KLHL29: variants seen among roughly 807,000 people sequenced by gnomAD.
KLHL29 encodes the protein kelch like family member 29.
KLHL29 carries 21 observed loss-of-function variants against 80.4 expected under a neutral mutation model. The observed-to-expected ratio is 0.26, with a 90% CI of 0.19 to 0.38. The LOEUF is 0.38. Among genes scored for constraint, KLHL29 ranks in the 10% least tolerant of loss-of-function variants. KLHL29 has a pLI of 1.00. For synonymous variants in KLHL29, 511 were observed against 526.8 expected, an observed-to-expected ratio of 0.97 and a Z score of 0.41; for missense variants, 867 against 1,223.9, an observed-to-expected ratio of 0.71 and a Z score of 4.35.
At chr2:23,566,915 T>TC (rs907103044) in intron 3 of KLHL29, among the ~76,000 whole-genome samples, 9 of 152,090 alleles carry the variant, frequency 5.9e-5, no homozygotes, top group Admixed American at 3.3e-4. Context: ...GGGAAACCTG[T>TC]CCCCCCCTGG....
intron 2 of KLHL29, among the ~76,000 whole-genome samples, chr2:23,559,451 C>CA (rs1302086651): frequency 6.6e-6 from 1 of 151,996 alleles, no homozygotes; most frequent in Non-Finnish European, 1.5e-5. Context: ...GGCAGGCAGG[C>CA]AGGCGAACTG....
intron 1 of KLHL29, among the ~76,000 whole-genome samples, chr2:23,390,001 C>A (rs13422671): frequency 0.01 from 1,547 of 152,198 alleles, 30 homozygotes; most frequent in African/African-American, 0.036. Flanking sequence ...TTACCTGCAC[C>A]TTAGATCAAA....
At chr2:23,501,863 C>T (rs1189380150) in intron 2 of KLHL29, among the ~76,000 whole-genome samples, 1 of 152,196 alleles carries the variant, frequency 6.6e-6, no homozygotes, top group Non-Finnish European at 1.5e-5. Context: ...CCCATCAGCC[C>T]AGAAAGCCCC....
At chr2:23,601,180 C>T (rs1244904004) in intron 3 of KLHL29, among the ~76,000 whole-genome samples, 1 of 152,102 alleles carries the variant, frequency 6.6e-6, no homozygotes, top group Non-Finnish European at 1.5e-5. Context: ...GCTCCAAGAC[C>T]GCACAAAAAG....
At chr2:23,634,318 A>G (rs1572454236) in intron 3 of KLHL29, among the ~76,000 whole-genome samples, 1 of 152,046 alleles carries the variant, frequency 6.6e-6, no homozygotes. Flanking sequence ...GCCCATGTGC[A>G]CCCCGGAAGT....
chr2:23,533,564 C>G (rs1053176249), intron 2 of KLHL29, among the ~76,000 whole-genome samples: 1 of 152,170 alleles, frequency 6.6e-6, no homozygotes, highest in Non-Finnish European at 1.5e-5. Flanking sequence ...GGCGCTGGCT[C>G]GCAGATCAAA....
chr2:23,398,655 C>T (rs1666513850), intron 1 of KLHL29, among the ~76,000 whole-genome samples: 1 of 152,214 alleles, frequency 6.6e-6, no homozygotes, highest in Admixed American at 6.5e-5. Context: ...GATAGTGAGC[C>T]CTTGGGCCAT....
intron 1 of KLHL29, among the ~76,000 whole-genome samples, chr2:23,404,259 G>A (rs956291854): frequency 3.6e-5 from 4 of 111,944 alleles, no homozygotes; most frequent in Non-Finnish European, 8.1e-5. Flanking sequence ...CAGATTCTGG[G>A]CGATGACTAT....
intron 5 of KLHL29, among the ~76,000 whole-genome samples, chr2:23,664,879 C>A (rs1479111786): frequency 6.6e-6 from 1 of 152,240 alleles, no homozygotes; most frequent in East Asian, 1.9e-4. Flanking sequence ...TCCTTTGTCC[C>A]TTTTCCCACA....
chr2:23,562,379 C>T lies in KLHL29; in HGVS notation c.183C>T (p.Ser61=). ...PGLLPLPVVP[S]RLPTPATAPA... The stretch of plus-strand genomic sequence containing the variant: ...TCCTGCCGCTGCCCGTGGTGCCCTC[C>T]CGGCTGCCCACCCCGGCTACAGCTC... The change falls in exon 3 of 14, where the codon TCC becomes TCT. Residue 61 remains serine, a synonymous_variant. Coordinates refer to ENST00000486442, the MANE Select transcript of KLHL29 (RefSeq NM_052920.2). The surrounding 1 kb of genome is among the most constrained non-coding windows in gnomAD (Gnocchi z 4.5). 6.5e-7 allele frequency: 1 copy of T among 1,540,326 alleles called. No individual in the cohort carries two copies. The highest frequency in any genetic ancestry group is 8.7e-7 in the Non-Finnish European group (1 of 1,145,776).
chr2:23,612,223 A>C lies in KLHL29; in HGVS notation c.286-26916A>C, dbSNP rs566238752. ...AAAATTAAAGACAGAGAAAAATCTA[A>C]AAAGCAGGTGGAAGGGAAAGACAGA... is the stretch of plus-strand genomic sequence containing the variant. On this transcript the variant is annotated intron_variant, in intron 3 of 13. Coordinates refer to ENST00000486442, the MANE Select transcript of KLHL29 (RefSeq NM_052920.2). Among the ~76,000 whole-genome samples the C allele has an allele frequency of 3.3e-5, 5 of 152,336 alleles. No homozygotes were observed. In the South Asian group the frequency reaches 1.0e-3, roughly 32 times the overall value.
rs1454960849 is a variant in KLHL29, at chr2:23,597,307, A to ATGTGTGTGTGTG, written c.285+34827_285+34828insGTGTGTGTGTGT. Among the ~76,000 whole-genome samples the ATGTGTGTGTGTG allele has an allele frequency of 7.1e-3, 761 of 106,510 alleles. 3 individuals are homozygous for ATGTGTGTGTGTG. The highest frequency in any genetic ancestry group is 9.4e-3 in the Non-Finnish European group (540 of 57,406). 69.9% of individuals were successfully genotyped at this position (106,510 alleles called of 152,430 possible). A position where few individuals can be genotyped will look rare whatever the true frequency, so the allele number is the denominator to read the frequency against. ...ATCTCTCTCTCTCTCATATATATAT[A>ATGTGTGTGTGTG]TATGTGTGTGTGTGTGTGTGTGTGT... On this transcript the variant is annotated intron_variant, in intron 3 of 13. Transcript: ENST00000486442.
chr2:23,434,506 G>A (rs1409241679), intron 1 of KLHL29, among the ~76,000 whole-genome samples: 1 of 152,000 alleles, frequency 6.6e-6, no homozygotes, highest in Non-Finnish European at 1.5e-5. Flanking sequence ...AAAACGTGAG[G>A]CAGTCAGTCA....
Position 23,553,531 on chromosome 2 carries a change from G to A in KLHL29, c.-45-8621G>A, listed in dbSNP as rs547611394. Among the ~76,000 whole-genome samples the A allele has an allele frequency of 2.6e-5, 4 of 152,324 alleles. No homozygotes were observed. In the East Asian group the frequency reaches 5.8e-4, roughly 22 times the overall value. On this transcript the variant is annotated intron_variant, in intron 2 of 13. Transcript: ENST00000486442. ...GGCCCCTGCAAACCCCACATTTCATGTCCACTTGGAGGTGCCGAACACCTC... is the reference window on the plus strand; with the variant it reads ...GGCCCCTGCAAACCCCACATTTCATATCCACTTGGAGGTGCCGAACACCTC...
chr2:23,477,852 A>G (rs541249628), intron 2 of KLHL29, among the ~76,000 whole-genome samples: 1 of 152,336 alleles, frequency 6.6e-6, no homozygotes, highest in East Asian at 1.9e-4. Context: ...GGCAAGAGTG[A>G]AGGGAACAGA....
chr2:23,539,428 C>A (rs1666768224), intron 2 of KLHL29, among the ~76,000 whole-genome samples: 1 of 84,294 alleles, frequency 1.2e-5, no homozygotes, highest in African/African-American at 6.5e-5. Flanking sequence ...CCTTATCCTG[C>A]CTCCTTTTTT....
chr2:23,634,513 T>C (rs1247387803), intron 3 of KLHL29, among the ~76,000 whole-genome samples: 1 of 152,140 alleles, frequency 6.6e-6, no homozygotes, highest in Non-Finnish European at 1.5e-5. Flanking sequence ...ATTCACCCTC[T>C]TCTGACATCC....
chr2:23,554,931 G>A (rs1030140775), intron 2 of KLHL29, among the ~76,000 whole-genome samples: 1 of 152,216 alleles, frequency 6.6e-6, no homozygotes, highest in African/African-American at 2.4e-5. Flanking sequence ...TAGAAACACA[G>A]TCTGGGCCTG....
chr2:23,458,256 T>C (rs1482262324), intron 1 of KLHL29, among the ~76,000 whole-genome samples: 1 of 152,238 alleles, frequency 6.6e-6, no homozygotes, highest in Admixed American at 6.5e-5. Context: ...ATGTCTGCTT[T>C]CTGCAAGGCA....
Sources: gnomAD v4.1 joint callset for allele counts (sites outside exome capture counted in the v4.1 genomes callset) on GRCh38, gnomAD v4.1.1 for gene constraint, Gnocchi (gnomAD v3.1) non-coding constraint, MANE v1.5 for transcripts, NCBI Gene and HGNC (gene_info 2026-07-23, HGNC 2026-07-21) for gene names.